The following RPS17 variants were observed in gnomAD, a reference collection of about 807,000 sequenced individuals.
RPS17 encodes the protein ribosomal protein S17.
For missense variants in RPS17, 68 were observed against 182.3 expected (o/e 0.37, Z 3.61); for synonymous variants, 75 against 65.6 (o/e 1.14, Z -0.70).
At chr15:82,537,765 A>G (rs1003185158) in intron 4 of RPS17, 34 of 435,060 alleles carry the variant, frequency 7.8e-5, no homozygotes, top group Non-Finnish European at 1.3e-4. Flanking sequence ...TTTAATGACC[A>G]TAAAAATAGG....
rs886136574 is a variant in RPS17, at chr15:82,538,383, C to T, written c.262-12G>A. ...TCCAAGGCTGAGACCTACAAGGAAACGAGGTAGGGTCAAAATACCAATCAA... is the reference window on the plus strand; with the variant it reads ...TCCAAGGCTGAGACCTACAAGGAAATGAGGTAGGGTCAAAATACCAATCAA... On this transcript the variant is annotated splice_polypyrimidine_tract_variant and intron_variant, in intron 3 of 4. Coordinates refer to ENST00000647841, the MANE Select transcript of RPS17 (RefSeq NM_001021.6). 2.5e-5 allele frequency: 40 copies of T among 1,611,766 alleles called. No individual in the cohort carries two copies. The highest frequency in any genetic ancestry group is 9.4e-5 in the African/African-American group (7 of 74,836).
At chr15:82,539,211 G>C (rs2034296260) in intron 2 of RPS17, 2 of 672,420 alleles carry the variant, frequency 3.0e-6, no homozygotes, top group Admixed American at 4.1e-5. Context: ...TGATGATCAA[G>C]CGCCCCACCC....
chr15:82,539,398 T>A (rs1317197230), intron 2 of RPS17: 3 of 462,698 alleles, frequency 6.5e-6, no homozygotes, highest in African/African-American at 6.0e-5. Flanking sequence ...CATTAGAAGT[T>A]GACATCCAGC....
Position 82,537,829 on chromosome 15 carries a change from C to T in RPS17, c.327+477G>A, listed in dbSNP as rs1236019932. ...CGCCCATGAAGCCCATGCTTTCACCCAAGTATGCAAAAGGACTAAGATAAG... is the reference window on the plus strand; with the variant it reads ...CGCCCATGAAGCCCATGCTTTCACCTAAGTATGCAAAAGGACTAAGATAAG... On this transcript the variant is annotated intron_variant, in intron 4 of 4. Transcript: ENST00000647841. 1.5e-5 allele frequency: 7 copies of T among 454,776 alleles called. No homozygotes were observed. The Admixed American group carries it at 1.6e-4, about 11-fold the overall frequency. 28.2% of individuals were successfully genotyped at this position (454,776 alleles called of 1,614,324 possible). A position where few individuals can be genotyped will look rare whatever the true frequency, so the allele number is the denominator to read the frequency against.
chr15:82,539,938 A>C (rs2034315626), intron 2 of RPS17, 43 bp downstream of exon 2: 1 of 1,611,816 alleles, frequency 6.2e-7, no homozygotes, highest in Admixed American at 1.7e-5. Flanking sequence ...AGAGCACACA[A>C]ACAGATCGCG....
chr15:82,539,400 ACATC>A, intron 2 of RPS17: 1 of 462,566 alleles, frequency 2.2e-6, no homozygotes, highest in South Asian at 1.5e-5. Flanking sequence ...TTAGAAGTTG[ACATC>A]CAGCCGGGCG....
chr15:82,539,553 G>A (rs2034305990), intron 2 of RPS17: 2 of 438,724 alleles, frequency 4.6e-6, no homozygotes, highest in Non-Finnish European at 9.1e-6. Flanking sequence ...GCCGAGTGTG[G>A]TAGCACGTGC....
chr15:82,539,425 C>A (rs2034302863), intron 2 of RPS17: 1 of 460,298 alleles, frequency 2.2e-6, no homozygotes, highest in African/African-American at 2.0e-5. Flanking sequence ...AGGTGGCTCA[C>A]GCCTGTAATC....
At chr15:82,538,406 C>T in intron 3 of RPS17, 35 bp from the exon 4 acceptor site, 1 of 1,607,920 alleles carries the variant, frequency 6.2e-7, no homozygotes, top group Non-Finnish European at 8.5e-7. Context: ...AAATACCAAT[C>T]AATGAGATTA....
intron 2 of RPS17, chr15:82,539,238 C>A: frequency 3.1e-6 from 2 of 644,214 alleles, no homozygotes; most frequent in Non-Finnish European, 2.9e-6. Context: ...CGCCCCGCCC[C>A]GCCCCGCAGT....
intron 2 of RPS17, chr15:82,539,689 A>C: frequency 2.4e-6 from 1 of 410,072 alleles, no homozygotes; most frequent in Non-Finnish European, 4.5e-6. Flanking sequence ...ATTCCGTCTC[A>C]AAAAAAAAAG....
intron 4 of RPS17, chr15:82,537,728 C>A (rs1299135004): frequency 2.6e-6 from 1 of 390,742 alleles, no homozygotes; most frequent in African/African-American, 2.1e-5. Flanking sequence ...GTTCATTTTG[C>A]TACTACCTTT....
chr15:82,537,898 A>G (rs2034268582), intron 4 of RPS17: 1 of 457,192 alleles, frequency 2.2e-6, no homozygotes, highest in Non-Finnish European at 4.4e-6. Flanking sequence ...CTCGTGAACT[A>G]CCTAAGTAGT....
intron 4 of RPS17, 102 bp from the exon 5 acceptor site, chr15:82,536,983 G>A: frequency 7.3e-7 from 1 of 1,374,810 alleles, no homozygotes; most frequent in Admixed American, 1.7e-5. Flanking sequence ...TCTCAAGGGG[G>A]TCCAGAGGCG....
At chr15:82,539,845 C>T in intron 2 of RPS17, 136 bp downstream of exon 2, 2 of 1,432,948 alleles carry the variant, frequency 1.4e-6, no homozygotes, top group East Asian at 2.3e-5. Flanking sequence ...ACACGCAGAG[C>T]TCTAGCCCTT....
chr15:82,540,287 AG>A, intron 1 of RPS17, 138 bp downstream of exon 1: 2 of 1,592,858 alleles, frequency 1.3e-6, no homozygotes, highest in South Asian at 2.2e-5. Context: ...TTAATGCGGA[AG>A]CCGCCGGCCC....
At chr15:82,538,710 G>A (rs1392120712) in intron 3 of RPS17, 170 bp downstream of exon 3, 11 of 745,322 alleles carry the variant, frequency 1.5e-5, no homozygotes, top group Non-Finnish European at 2.6e-5. Flanking sequence ...GGTTCCAGAA[G>A]AGCAGAATGG....
intron 1 of RPS17, 33 bp from the exon 2 acceptor site, chr15:82,540,165 C>A: frequency 6.2e-7 from 1 of 1,613,614 alleles, no homozygotes; most frequent in East Asian, 2.2e-5. Context: ...CACTCACGAG[C>A]CAGCGCAACC....
chr15:82,539,478 A>C, intron 2 of RPS17: 1 of 458,704 alleles, frequency 2.2e-6, no homozygotes, highest in Non-Finnish European at 4.4e-6. Context: ...GCTTGAGGTC[A>C]GGTGTTCGAG....
Sources: gnomAD v4.1 joint callset for allele counts on GRCh38, gnomAD v4.1.1 for gene constraint, MANE v1.5 for transcripts, NCBI Gene and HGNC (gene_info 2026-07-23, HGNC 2026-07-21) for gene names.